DEFB125: variants seen among roughly 807,000 people sequenced by gnomAD.
DEFB125 encodes the protein beta-defensin 125.
DEFB125 carries 11 observed loss-of-function variants against 11.8 expected under a neutral mutation model. That is an observed-to-expected ratio of 0.94 (90% CI 0.59 to 1.55). The LOEUF (loss-of-function observed/expected upper bound fraction) is 1.55, where lower values mean the gene tolerates loss of function less well. DEFB125 is among the 40% of genes most tolerant of loss of function. DEFB125 has a pLI of 0.00. For synonymous variants in DEFB125, 79 were observed against 66.7 expected, an observed-to-expected ratio of 1.18 and a Z score of -0.90; for missense variants, 198 against 191.2, an observed-to-expected ratio of 1.04 and a Z score of -0.21.
chr20:96,569 C>A lies in DEFB125; in HGVS notation c.*152C>A. 1 of 865,986 alleles carries A rather than the reference C, an allele frequency of 1.2e-6. No homozygotes were observed. Among genetic ancestry groups the A allele is most frequent in the Non-Finnish European group, 1.8e-6 (1 of 570,142 alleles). 53.6% of individuals were successfully genotyped at this position (865,986 alleles called of 1,614,324 possible). A position where few individuals can be genotyped will look rare whatever the true frequency, so the allele number is the denominator to read the frequency against. ...ATAATTGCTACTACCAACACAACAG[C>A]CAAGAGAGTTGCCTTACAATTAGAA... On this transcript the variant is annotated 3_prime_UTR_variant, in exon 2 of 2. Transcript: ENST00000382410.
chr20:92,645 C>T (rs2054500590), intron 1 of DEFB125, among the ~76,000 whole-genome samples: 1 of 152,090 alleles, frequency 6.6e-6, no homozygotes, highest in Admixed American at 6.5e-5. Flanking sequence ...CCCTCCTCGG[C>T]TTCCCAAAGT....
intron 1 of DEFB125, among the ~76,000 whole-genome samples, chr20:88,167 A>G (rs1437449012): frequency 6.6e-6 from 1 of 152,106 alleles, no homozygotes; most frequent in African/African-American, 2.4e-5. Context: ...GTACCTTCAG[A>G]GGGAGGCCCT....
Position 87,699 on chromosome 20 carries a change from T to C in DEFB125, c.-11T>C, listed in dbSNP as rs758752041. The C allele has an allele frequency of 6.2e-7, 1 of 1,612,976 alleles. No individual in the cohort carries two copies. Among genetic ancestry groups the C allele is most frequent in the Non-Finnish European group, 8.5e-7 (1 of 1,179,078 alleles). On this transcript the variant is annotated 5_prime_UTR_variant, in exon 1 of 2. Transcript: ENST00000382410. ...TCCTCAGGACACAGAGCTTCCTCTC[T>C]CCCAGGAGCCATGAATATCCTGATG...
In DEFB125 at chr20:96,577, G is replaced by A; in HGVS notation, c.*160G>A. 4 of 811,148 alleles carry A rather than the reference G, an allele frequency of 4.9e-6. No homozygotes were observed. The highest frequency in any genetic ancestry group is 1.7e-5 in the African/African-American group (1 of 57,832). 50.2% of individuals were successfully genotyped at this position (811,148 alleles called of 1,614,324 possible). A position where few individuals can be genotyped will look rare whatever the true frequency, so the allele number is the denominator to read the frequency against. The stretch of plus-strand genomic sequence containing the variant: ...TACTACCAACACAACAGCCAAGAGA[G>A]TTGCCTTACAATTAGAAATGTGTAG... On this transcript the variant is annotated 3_prime_UTR_variant, in exon 2 of 2. Transcript: ENST00000382410.
intron 1 of DEFB125, among the ~76,000 whole-genome samples, chr20:88,324 T>C (rs2122973099): frequency 6.6e-6 from 1 of 152,234 alleles, no homozygotes; most frequent in South Asian, 2.1e-4. Context: ...TAGTGACCAA[T>C]GGGGAGCTTC....
chr20:88,526 G>A (rs1464524683), intron 1 of DEFB125, among the ~76,000 whole-genome samples: 1 of 152,058 alleles, frequency 6.6e-6, no homozygotes, highest in Non-Finnish European at 1.5e-5. Flanking sequence ...TTCCCCTTCA[G>A]AATCAATCAA....
At chr20:89,843 CTCTT>C (rs58430707) in intron 1 of DEFB125, among the ~76,000 whole-genome samples, 6,798 of 152,126 alleles carry the variant, frequency 0.045, 247 homozygotes, top group African/African-American at 0.091. Context: ...GTCTATGTCT[CTCTT>C]TCTCTTTTAT....
intron 1 of DEFB125, among the ~76,000 whole-genome samples, chr20:88,171 A>G (rs1193749503): frequency 6.6e-6 from 1 of 152,096 alleles, no homozygotes; most frequent in Non-Finnish European, 1.5e-5. Flanking sequence ...CTTCAGAGGG[A>G]GGCCCTCACT....
intron 1 of DEFB125, among the ~76,000 whole-genome samples, chr20:90,320 C>G (rs1225356694): frequency 2.0e-5 from 3 of 152,156 alleles, no homozygotes; most frequent in Admixed American, 2.0e-4. Flanking sequence ...CATCATTCTA[C>G]TGCTAAAACC....
rs374363995 is a variant in DEFB125, at chr20:96,829, G to A, written c.*412G>A. The A allele has an allele frequency of 3.2e-4, 54 of 168,252 alleles. 1 individual carries two copies. The East Asian group carries it at 5.8e-3, about 18-fold the overall frequency. 10.4% of individuals were successfully genotyped at this position (168,252 alleles called of 1,614,324 possible). A position where few individuals can be genotyped will look rare whatever the true frequency, so the allele number is the denominator to read the frequency against. On this transcript the variant is annotated 3_prime_UTR_variant, in exon 2 of 2. Transcript: ENST00000382410. ...TAACAGTGCCTGGCCCACTACTATC[G>A]TATATAGGAGAACATATAAAAGCAT...
chr20:89,160 T>A (rs1404167613), intron 1 of DEFB125, among the ~76,000 whole-genome samples: 1 of 152,204 alleles, frequency 6.6e-6, no homozygotes, highest in Non-Finnish European at 1.5e-5. Flanking sequence ...AATTTGGCTT[T>A]TGTTAAATTT....
intron 1 of DEFB125, among the ~76,000 whole-genome samples, chr20:90,981 C>A (rs2054494133): frequency 6.6e-6 from 1 of 152,092 alleles, no homozygotes; most frequent in Admixed American, 6.6e-5. Flanking sequence ...CATTTGTCAC[C>A]TTTTCATCTA....
At chr20:93,660 C>T (rs972510759) in intron 1 of DEFB125, among the ~76,000 whole-genome samples, 8 of 152,212 alleles carry the variant, frequency 5.3e-5, no homozygotes, top group Non-Finnish European at 1.2e-4. Context: ...GTAGTCACAT[C>T]TGATACAACT....
chr20:93,065 G>C (rs948297790), intron 1 of DEFB125, among the ~76,000 whole-genome samples: 3 of 150,606 alleles, frequency 2.0e-5, no homozygotes, highest in Admixed American at 1.3e-4. Context: ...TCGCCTCCCA[G>C]GTTCAAGTGA....
rs1600135666 is a variant in DEFB125, at chr20:96,199, GTGGACTC to G, written c.255_261del (p.Asp86LeufsTer9). On this transcript the variant is annotated frameshift_variant, in exon 2 of 2. Coordinates refer to ENST00000382410, the MANE Select transcript of DEFB125 (RefSeq NM_153325.4). LOFTEE classifies it high-confidence loss of function. ...GGATATAACATTGGATTATAGTGATGTGGACTCTTTTACTGGTTCCCCAGTATCTATG... is the reference window on the plus strand; with the variant it reads ...GGATATAACATTGGATTATAGTGATGTTTTACTGGTTCCCCAGTATCTATG... 1 of 1,614,130 alleles carries G rather than the reference GTGGACTC, an allele frequency of 6.2e-7. No individual in the cohort carries two copies. The highest frequency in any genetic ancestry group is 1.3e-5 in the African/African-American group (1 of 75,014).
chr20:87,686 A>G lies in DEFB125; in HGVS notation c.-24A>G. The G allele has an allele frequency of 6.2e-7, 1 of 1,612,562 alleles. No individual in the cohort carries two copies. The highest frequency in any genetic ancestry group is 8.5e-7 in the Non-Finnish European group (1 of 1,178,706). On this transcript the variant is annotated 5_prime_UTR_variant, in exon 1 of 2. Transcript: ENST00000382410. Reference sequence around the variant, plus strand: ...CAGTGTTCTGTATTCCTCAGGACACAGAGCTTCCTCTCTCCCAGGAGCCAT... The same window carrying G: ...CAGTGTTCTGTATTCCTCAGGACACGGAGCTTCCTCTCTCCCAGGAGCCAT...
At chr20:93,986 G>A (rs2054505653) in intron 1 of DEFB125, among the ~76,000 whole-genome samples, 1 of 152,032 alleles carries the variant, frequency 6.6e-6, no homozygotes, top group African/African-American at 2.4e-5. Flanking sequence ...AGTTCTTCAA[G>A]GTTTTTACTG....
chr20:96,123 A>G lies in DEFB125; in HGVS notation c.177A>G (p.Ile59Met). The G allele has an allele frequency of 6.2e-7, 1 of 1,614,216 alleles. No homozygotes were observed. Among genetic ancestry groups the G allele is most frequent in the Non-Finnish European group, 8.5e-7 (1 of 1,180,038 alleles). The change falls in exon 2 of 2, where the codon ATA (isoleucine) becomes ATG (methionine). Residue 59 changes from isoleucine (I) to methionine (M), a missense_variant. Coordinates refer to ENST00000382410, the MANE Select transcript of DEFB125 (RefSeq NM_153325.4). ...ACAAGCTATCATGCTGCATTTCTAT[A>G]ATATCACATGAATATACTCGACGAC... ...CRNKLSCCISIISHEYTRRPA... is the reference protein window; with the variant it reads ...CRNKLSCCISMISHEYTRRPA...
intron 1 of DEFB125, among the ~76,000 whole-genome samples, chr20:90,278 GAA>G (rs941372545): frequency 2.7e-5 from 4 of 149,656 alleles, no homozygotes; most frequent in African/African-American, 9.8e-5. Flanking sequence ...TGTCACTTTA[GAA>G]AAAAAAAATT....
Sources: allele counts gnomAD v4.1 joint callset (sites outside exome capture counted in the v4.1 genomes callset), GRCh38; gene constraint gnomAD v4.1.1; transcripts MANE v1.5; gene names NCBI Gene and HGNC (gene_info 2026-07-23, HGNC 2026-07-21).